Variants in KLF12 observed in about 807,000 individuals in gnomAD.
The protein encoded by KLF12 is KLF transcription factor 12.
In KLF12, 9 loss-of-function variants were observed where a neutral mutation model predicts 37.8. The ratio of observed to expected loss-of-function variants is 0.24; its 90% CI spans 0.14 to 0.42. The LOEUF (loss-of-function observed/expected upper bound fraction) is 0.42. Ranked by LOEUF, KLF12 falls within the 10% of genes least tolerant of loss-of-function variation. KLF12 has a pLI of 1.00. For missense variants in KLF12, 411 were observed against 516.0 expected (o/e 0.80, Z 1.97); for synonymous variants, 208 against 202.1 (o/e 1.03, Z -0.25).
At chr13:74,293,388 C>T in the KLF12 span, among the ~76,000 whole-genome samples, 1 of 151,986 alleles carries the variant, frequency 6.6e-6, no homozygotes, top group Non-Finnish European at 1.5e-5. Context: ...TGGGTACAAT[C>T]GAGGGACTGA....
intron 2 of KLF12, among the ~76,000 whole-genome samples, chr13:73,954,140 G>C (rs1383833904): frequency 6.6e-6 from 1 of 151,662 alleles, no homozygotes; most frequent in African/African-American, 2.4e-5. Context: ...CACCACGCCT[G>C]GCTAATTTTT....
intron 1 of KLF12, among the ~76,000 whole-genome samples, chr13:74,090,482 A>G (rs1875584437): frequency 6.6e-6 from 1 of 152,198 alleles, no homozygotes; most frequent in Admixed American, 6.5e-5. Flanking sequence ...AATCCCTACC[A>G]GAATCATAAC....
intron 1 of KLF12, among the ~76,000 whole-genome samples, chr13:74,005,381 A>C (rs1177923704): frequency 6.6e-6 from 1 of 152,210 alleles, no homozygotes; most frequent in Non-Finnish European, 1.5e-5. Flanking sequence ...TACATAAATA[A>C]ATATCCCTGC....
At chr13:74,267,785 A>G in the KLF12 span, among the ~76,000 whole-genome samples, 1 of 152,210 alleles carries the variant, frequency 6.6e-6, no homozygotes, top group South Asian at 2.1e-4. Flanking sequence ...GGATACCCCA[A>G]TTGCCCTGAT....
At chr13:74,180,394 C>T in the KLF12 span, among the ~76,000 whole-genome samples, 1 of 152,200 alleles carries the variant, frequency 6.6e-6, no homozygotes, top group East Asian at 1.9e-4. Context: ...AATAAAGGCT[C>T]AGAAATTACT....
the KLF12 span, among the ~76,000 whole-genome samples, chr13:74,142,359 G>T: frequency 6.6e-6 from 1 of 152,232 alleles, no homozygotes; most frequent in Non-Finnish European, 1.5e-5. Context: ...TCAAATGAGA[G>T]TGAAGCAGCA....
intron 3 of KLF12, among the ~76,000 whole-genome samples, chr13:73,867,968 C>T (rs1032525739): frequency 1.3e-5 from 2 of 150,590 alleles, no homozygotes; most frequent in Non-Finnish European, 3.0e-5. Flanking sequence ...TTGCAGTGAG[C>T]CAAGATTGTG....
intron 1 of KLF12, among the ~76,000 whole-genome samples, chr13:74,060,574 A>G (rs138020519): frequency 1.3e-5 from 2 of 149,370 alleles, no homozygotes; most frequent in East Asian, 2.0e-4. Context: ...CAGCTTGAAC[A>G]TTACTGGTGT....
chr13:73,734,450 A>C (rs1877297289), intron 6 of KLF12, among the ~76,000 whole-genome samples: 2 of 152,150 alleles, frequency 1.3e-5, no homozygotes, highest in South Asian at 4.1e-4. Context: ...AGCAAATTTA[A>C]GTACTAATTA....
In KLF12 at chr13:73,693,778, C is replaced by G; in HGVS notation, c.*1712G>C. On this transcript the variant is annotated 3_prime_UTR_variant, in exon 8 of 8. Transcript: ENST00000377669. ...TTGTTGGAGACCTTTTATATCTAAG[C>G]TATAAAAAATTCTAGCAACAACAAC... The G allele has an allele frequency of 6.6e-6, 1 of 152,616 alleles. No individual in the cohort carries two copies. The highest frequency in any genetic ancestry group is 6.5e-5 in the Admixed American group (1 of 15,272). 9.5% of individuals were successfully genotyped at this position (152,616 alleles called of 1,614,324 possible).
At chr13:74,217,497 G>A in the KLF12 span, among the ~76,000 whole-genome samples, 1 of 142,754 alleles carries the variant, frequency 7.0e-6, no homozygotes, top group Non-Finnish European at 1.6e-5. Context: ...GGGAGGCAAA[G>A]GCAGGCAGAT....
chr13:73,940,013 GA>G, intron 3 of KLF12, among the ~76,000 whole-genome samples: 1 of 152,286 alleles, frequency 6.6e-6, no homozygotes, highest in East Asian at 1.9e-4. Context: ...CCTGGAGATA[GA>G]AAATAACTTC....
intron 3 of KLF12, among the ~76,000 whole-genome samples, chr13:73,851,233 G>A (rs1885318286): frequency 6.6e-6 from 1 of 152,150 alleles, no homozygotes; most frequent in Non-Finnish European, 1.5e-5. Flanking sequence ...ACTATCTCAG[G>A]AGGAACTTGA....
intron 1 of KLF12, among the ~76,000 whole-genome samples, chr13:74,067,181 A>C (rs1873966704): frequency 1.3e-5 from 2 of 152,216 alleles, no homozygotes; most frequent in East Asian, 3.9e-4. Context: ...GAAAATAAAA[A>C]ATGTTGCTTA....
intron 1 of KLF12, among the ~76,000 whole-genome samples, chr13:74,037,108 G>A (rs890177866): frequency 2.6e-5 from 4 of 151,178 alleles, no homozygotes; most frequent in African/African-American, 9.7e-5. Context: ...GGAGGCTGAG[G>A]CAGAGAACTG....
At chr13:74,207,611 G>C in the KLF12 span, among the ~76,000 whole-genome samples, 1 of 152,170 alleles carries the variant, frequency 6.6e-6, no homozygotes, top group Non-Finnish European at 1.5e-5. Flanking sequence ...GGAGGTGGAG[G>C]TTGCAGTGAG....
intron 1 of KLF12, among the ~76,000 whole-genome samples, chr13:74,070,254 C>A (rs1354402038): frequency 6.6e-6 from 1 of 152,166 alleles, no homozygotes; most frequent in Non-Finnish European, 1.5e-5. Context: ...AGTAATCAAC[C>A]ACATCAAATG....
At chr13:74,265,990 G>A in the KLF12 span, among the ~76,000 whole-genome samples, 1 of 152,228 alleles carries the variant, frequency 6.6e-6, no homozygotes, top group Non-Finnish European at 1.5e-5. Flanking sequence ...GAAGACAGAT[G>A]GGTCTTGGAG....
At chr13:74,194,031 T>A in the KLF12 span, among the ~76,000 whole-genome samples, 3 of 152,204 alleles carry the variant, frequency 2.0e-5, no homozygotes, top group African/African-American at 7.2e-5. Flanking sequence ...AGGGAAAGAT[T>A]TCATTTTCTT....
Sources: gnomAD v4.1 joint callset for allele counts (sites outside exome capture counted in the v4.1 genomes callset) on GRCh38, gnomAD v4.1.1 for gene constraint, MANE v1.5 for transcripts, NCBI Gene and HGNC (gene_info 2026-07-23, HGNC 2026-07-21) for gene names.